Variants in PLCH2 observed in about 807,000 individuals in gnomAD.
PLCH2 encodes the protein 1-phosphatidylinositol 4,5-bisphosphate phosphodiesterase eta-2.
Under a neutral mutation model 134.7 loss-of-function variants are expected in PLCH2, and 98 were observed. That is an observed-to-expected ratio of 0.73 (90% confidence interval 0.62 to 0.86). The LOEUF (loss-of-function observed/expected upper bound fraction) is 0.86, where lower values mean the gene tolerates loss of function less well. Among genes scored for constraint, PLCH2 ranks in the 40% least tolerant of loss-of-function variants. The pLI is 0.00. For synonymous variants in PLCH2, 974 were observed against 827.5 expected (o/e 1.18, Z -3.04); for missense variants, 1,994 against 1,986.6 (o/e 1.00, Z -0.07).
chr1:2,481,952 C>G (rs1443074866), intron 4 of PLCH2, among the ~76,000 whole-genome samples: 1 of 152,268 alleles, frequency 6.6e-6, no homozygotes, highest in Non-Finnish European at 1.5e-5. Flanking sequence ...ACGGCCTAAT[C>G]AGAGAGAACT....
At chr1:2,446,526 G>A (rs1440824232) in intron 2 of PLCH2, among the ~76,000 whole-genome samples, 3 of 152,196 alleles carry the variant, frequency 2.0e-5, no homozygotes, top group South Asian at 2.1e-4. Flanking sequence ...GACTCCGACC[G>A]CCCTCCGGAT....
intron 2 of PLCH2, chr1:2,479,068 G>T (rs1641804613): frequency 5.4e-6 from 1 of 184,144 alleles, no homozygotes; most frequent in Admixed American, 5.4e-5. Context: ...TGTGCAGGGG[G>T]TGGGTGGGGA....
At chr1:2,441,806 G>A (rs1639706156) in intron 2 of PLCH2, among the ~76,000 whole-genome samples, 1 of 152,152 alleles carries the variant, frequency 6.6e-6, no homozygotes, top group Admixed American at 6.5e-5. Flanking sequence ...CACTGGGGGA[G>A]GAGCGGCTCT....
Position 2,502,319 on chromosome 1 carries a change from A to G in PLCH2, c.2869A>G (p.Lys957Glu). The part of the protein sequence containing the change: ...LVLGTRDTGS[K>E]GVADDVVPPG... ...CCTGGGTACACGGGACACAGGCTCC[A>G]AGGGGGTGGCAGACGATGTGGTGCC... The change falls in exon 21 of 22, where the codon AAG becomes GAG. Residue 957 changes from lysine (K) to glutamate (E), a missense_variant. Lys to Glu is a moderately conservative substitution (Grantham distance 56, BLOSUM62 1). Coordinates refer to ENST00000378486, the MANE Select transcript of PLCH2 (RefSeq NM_014638.4). The G allele has an allele frequency of 1.3e-6, 2 of 1,535,800 alleles. No individual in the cohort carries two copies. Among genetic ancestry groups the G allele is most frequent in the East Asian group, 2.5e-5 (1 of 40,666 alleles).
intron 2 of PLCH2, among the ~76,000 whole-genome samples, chr1:2,459,667 T>G (rs75369352): frequency 0.052 from 1,359 of 26,032 alleles, 57 homozygotes; most frequent in Non-Finnish European, 0.091. Flanking sequence ...CCTCCTTGCC[T>G]GTGGTCTTCC....
intron 2 of PLCH2, among the ~76,000 whole-genome samples, chr1:2,437,819 C>T (rs1242699279): frequency 6.6e-6 from 1 of 152,246 alleles, no homozygotes; most frequent in African/African-American, 2.4e-5. Flanking sequence ...ACATACAACA[C>T]ATGTTCACAT....
At position 2,498,494 on chromosome 1, in the gene PLCH2, C is replaced by T; in HGVS notation, c.2225-29C>T. The T allele has an allele frequency of 6.3e-7, 1 of 1,597,472 alleles. No homozygotes were observed. The highest frequency in any genetic ancestry group is 8.5e-7 in the Non-Finnish European group (1 of 1,172,292). The stretch of plus-strand genomic sequence containing the variant: ...GCAGGGGGCTTGCTGAGGGCTGGGC[C>T]ACTGACCACCTCCCCGGCATCCCCT... On this transcript the variant is annotated intron_variant, in intron 16 of 21. Coordinates refer to ENST00000378486, the MANE Select transcript of PLCH2 (RefSeq NM_014638.4). This position sits in a 1 kb window ranked among gnomAD's most constrained non-coding sequence, Gnocchi z 5.4.
At chr1:2,455,368 G>GC (rs1250718929) in intron 2 of PLCH2, among the ~76,000 whole-genome samples, 1 of 152,174 alleles carries the variant, frequency 6.6e-6, no homozygotes, top group Non-Finnish European at 1.5e-5. Context: ...GCCCTGCCAG[G>GC]CCCCCTCTGC....
At chr1:2,473,870 G>C (rs979127818), upstream of PLCH2, among the ~76,000 whole-genome samples, 1 of 152,236 alleles carries the variant, frequency 6.6e-6, no homozygotes, top group Non-Finnish European at 1.5e-5. Context: ...CTGGCCTCTG[G>C]TGTGGGCCCA....
In PLCH2 at chr1:2,489,393, GC is replaced by G. The variant is rs754404736; in HGVS notation, c.1407+18del. 6.2e-7 allele frequency: 1 copy of G among 1,612,650 alleles called. No homozygotes were observed. Among genetic ancestry groups the G allele is most frequent in the South Asian group, 1.1e-5 (1 of 91,024 alleles). On this transcript the variant is annotated intron_variant, in intron 9 of 21. Coordinates refer to ENST00000378486, the MANE Select transcript of PLCH2 (RefSeq NM_014638.4). ...TCCTCGTGAAGGTGAGTGAGCCCCT[GC>G]CCTCCTGGGACCAGCTCACACAGAG...
At chr1:2,477,344 G>A (rs1641690737) in intron 1 of PLCH2, among the ~76,000 whole-genome samples, 1 of 152,116 alleles carries the variant, frequency 6.6e-6, no homozygotes, top group African/African-American at 2.4e-5. Context: ...GTGCCCCGGA[G>A]AGCCCAGCCC....
Position 2,476,482 on chromosome 1 carries a change from G to A in PLCH2, c.-107G>A, listed in dbSNP as rs1395203047. On this transcript the variant is annotated 5_prime_UTR_variant, in exon 1 of 22. Transcript: ENST00000378486. ...AGGAGGAAGAGGCAGAGGAGAGAAG[G>A]CCCCACGGAGGTCCTGTCGCCAGCG... 4.7e-6 allele frequency: 5 copies of A among 1,065,830 alleles called. No homozygotes were observed. Among genetic ancestry groups the A allele is most frequent in the East Asian group, 2.7e-5 (1 of 36,804 alleles). The allele number at this position is 1,065,830 out of a possible 1,614,324, so 66.0% of individuals were successfully genotyped here. A position where few individuals can be genotyped will look rare whatever the true frequency, so the allele number is the denominator to read the frequency against.
chr1:2,476,473 G>A lies in PLCH2; in HGVS notation c.-116G>A, dbSNP rs912171518. On this transcript the variant is annotated 5_prime_UTR_variant, in exon 1 of 22. Transcript: ENST00000378486. ...CTGAGGAGGAGGAGGAAGAGGCAGA[G>A]GAGAGAAGGCCCCACGGAGGTCCTG... 57 of 997,522 alleles carry A rather than the reference G, an allele frequency of 5.7e-5. No homozygotes were observed. Among genetic ancestry groups the A allele is most frequent in the Non-Finnish European group, 6.7e-5 (47 of 706,704 alleles). The allele number at this position is 997,522 out of a possible 1,614,324, so 61.8% of individuals were successfully genotyped here.
intron 2 of PLCH2, among the ~76,000 whole-genome samples, chr1:2,452,500 C>T (rs916748132): frequency 1.1e-4 from 16 of 152,174 alleles, no homozygotes; most frequent in African/African-American, 3.6e-4. Flanking sequence ...CCTTTGGGAG[C>T]GGCCACCGTG....
At chr1:2,497,900 G>T in intron 16 of PLCH2, 1 of 397,076 alleles carries the variant, frequency 2.5e-6, no homozygotes, top group Non-Finnish European at 4.6e-6. Context: ...TTGTCTGAGG[G>T]GCCCCAGTGC....
intron 10 of PLCH2, among the ~76,000 whole-genome samples, chr1:2,490,503 A>C (rs557019100): frequency 1.3e-5 from 2 of 152,076 alleles, no homozygotes; most frequent in African/African-American, 4.8e-5. Flanking sequence ...TCTCCTCTGG[A>C]CACTGCTCTG....
chr1:2,502,297 G>T lies in PLCH2; in HGVS notation c.2847G>T (p.Leu949=). 1 of 1,536,342 alleles carries T rather than the reference G, an allele frequency of 6.5e-7. No homozygotes were observed. Residue 949 remains leucine, a synonymous_variant, in exon 21 of 22, where the codon CTG becomes CTT. Transcript: ENST00000378486. ...PGRRGFPELV[L]GTRDTGSKGV... ...GCAGGGGCTTCCCGGAGCTGGTCCT[G>T]GGTACACGGGACACAGGCTCCAAGG... is the stretch of plus-strand genomic sequence containing the variant.
chr1:2,503,996 C>A lies in PLCH2; in HGVS notation c.3034C>A (p.Pro1012Thr). 3 of 1,526,640 alleles carry A rather than the reference C, an allele frequency of 2.0e-6. No homozygotes were observed. Among genetic ancestry groups the A allele is most frequent in the Non-Finnish European group, 2.7e-6 (3 of 1,126,048 alleles). 94.6% of individuals were successfully genotyped at this position (1,526,640 alleles called of 1,614,324 possible). The change falls in exon 22 of 22, where the codon CCA becomes ACA. Residue 1012 changes from proline (P) to threonine (T), a missense_variant. Coordinates refer to ENST00000378486, the MANE Select transcript of PLCH2 (RefSeq NM_014638.4). ...GGAAACCATCGCTGAGGAGCCCGCCCCAGGCCCTGGTCCCCCGCCACCAGC... is the reference window on the plus strand; with the variant it reads ...GGAAACCATCGCTGAGGAGCCCGCCACAGGCCCTGGTCCCCCGCCACCAGC... The part of the protein sequence containing the change: ...SLETIAEEPA[P>T]GPGPPPPAAV...
In PLCH2 at chr1:2,505,493, A is replaced by C; in HGVS notation, c.*280A>C. On this transcript the variant is annotated 3_prime_UTR_variant, in exon 22 of 22. Transcript: ENST00000378486. ...AGAAATATTTAAATTTTTAGAAGCA[A>C]AACTTATACAACATTAAAATGATAC... is the stretch of plus-strand genomic sequence containing the variant. 1 of 490,570 alleles carries C rather than the reference A, an allele frequency of 2.0e-6. No homozygotes were observed. Among genetic ancestry groups the C allele is most frequent in the Non-Finnish European group, 3.6e-6 (1 of 279,346 alleles). The allele number at this position is 490,570 out of a possible 1,614,324, so 30.4% of individuals were successfully genotyped here.
Sources: allele counts gnomAD v4.1 joint callset (sites outside exome capture counted in the v4.1 genomes callset), GRCh38; gene constraint gnomAD v4.1.1; non-coding constraint Gnocchi (gnomAD v3.1); transcripts MANE v1.5; gene names NCBI Gene and HGNC (gene_info 2026-07-23, HGNC 2026-07-21).